The following PPA2 variants were observed in gnomAD, a reference collection of about 807,000 sequenced individuals.
The protein encoded by PPA2 is inorganic pyrophosphatase 2.
In PPA2, 48 loss-of-function variants were observed where a neutral mutation model predicts 49.5. That is an observed-to-expected ratio of 0.97 (90% CI 0.77 to 1.23). PPA2 has a LOEUF of 1.23. Among genes scored for constraint, PPA2 ranks in the 50% most tolerant of loss-of-function variants. The pLI, the probability that PPA2 is intolerant of heterozygous loss-of-function variation, is 0.00. For synonymous variants in PPA2, 131 were observed against 139.9 expected (o/e 0.94, Z 0.45); for missense variants, 429 against 410.1 (o/e 1.05, Z -0.40).
intron 10 of PPA2, among the ~76,000 whole-genome samples, chr4:105,381,872 A>C (rs1733501743): frequency 6.6e-6 from 1 of 151,814 alleles, no homozygotes; most frequent in Non-Finnish European, 1.5e-5. Flanking sequence ...TATTTACTCT[A>C]CTCTTTATAA....
intron 6 of PPA2, among the ~76,000 whole-genome samples, chr4:105,425,766 A>C (rs116477392): frequency 5.7e-5 from 8 of 139,202 alleles, no homozygotes; most frequent in African/African-American, 2.5e-4. Flanking sequence ...ACACACACCC[A>C]TCAGAATAAA....
chr4:105,390,011 T>G (rs1038421909), intron 9 of PPA2, among the ~76,000 whole-genome samples: 3 of 151,958 alleles, frequency 2.0e-5, no homozygotes, highest in African/African-American at 7.2e-5. Flanking sequence ...ACACCACACA[T>G]CTACAACAAT....
chr4:105,453,333 A>G (rs1206989835), intron 3 of PPA2, among the ~76,000 whole-genome samples: 9 of 152,220 alleles, frequency 5.9e-5, no homozygotes, highest in Admixed American at 1.3e-4. Flanking sequence ...TGAGGATTCC[A>G]CAACAATGTG....
intron 6 of PPA2, among the ~76,000 whole-genome samples, chr4:105,430,288 CA>C (rs1264390066): frequency 2.0e-5 from 3 of 152,154 alleles, no homozygotes; most frequent in African/African-American, 7.2e-5. Context: ...CATAAATCTG[CA>C]TGGAATTGTA....
chr4:105,473,967 C>T lies in PPA2; in HGVS notation c.84G>A (p.Ser28=), dbSNP rs1236077801. Residue 28 remains serine (S), a synonymous_variant, in exon 1 of 12, where the codon TCG becomes TCA. Transcript: ENST00000341695. The part of the protein sequence containing the change: ...LRLGTSAGTG[S]RRAMALYHTE... ...TGTGGTACAGGGCCATAGCACGGCG[C>T]GACCCGGTCCCTGCACTGGTCCCCA... is the stretch of plus-strand genomic sequence containing the variant. 1 of 1,611,414 alleles carries T rather than the reference C, an allele frequency of 6.2e-7. No homozygotes were observed.
chr4:105,372,081 G>A (rs1733049557), intron 10 of PPA2, among the ~76,000 whole-genome samples: 1 of 152,186 alleles, frequency 6.6e-6, no homozygotes, highest in Admixed American at 6.5e-5. Flanking sequence ...GTGGACCTGG[G>A]GAGATGTGTA....
intron 7 of PPA2, among the ~76,000 whole-genome samples, chr4:105,421,095 T>C (rs1723232763): frequency 1.3e-5 from 2 of 152,298 alleles, no homozygotes; most frequent in African/African-American, 4.8e-5. Flanking sequence ...AGTTCTACAC[T>C]GGGCAGTTAA....
chr4:105,453,771 G>T (rs1334971957), intron 2 of PPA2, 129 bp from the exon 3 acceptor site: 6 of 598,274 alleles, frequency 1.0e-5, no homozygotes, highest in Non-Finnish European at 1.4e-5. Context: ...TGAGTCAACA[G>T]AGAACCTACC....
intron 6 of PPA2, among the ~76,000 whole-genome samples, chr4:105,424,800 T>C (rs772119716): frequency 2.0e-5 from 3 of 152,166 alleles, no homozygotes; most frequent in Admixed American, 6.5e-5. Flanking sequence ...CTGGAATTTG[T>C]AGGGCATGGT....
chr4:105,428,459 C>T (rs963509602), intron 6 of PPA2, among the ~76,000 whole-genome samples: 5 of 151,518 alleles, frequency 3.3e-5, no homozygotes, highest in African/African-American at 1.2e-4. Context: ...AGACCCATCT[C>T]ACGTGCAGAG....
intron 1 of PPA2, among the ~76,000 whole-genome samples, chr4:105,459,918 C>T (rs769328154): frequency 6.6e-6 from 1 of 152,154 alleles, no homozygotes; most frequent in Non-Finnish European, 1.5e-5. Flanking sequence ...GTAGGGTTGA[C>T]CCTAAAGGGG....
intron 7 of PPA2, chr4:105,399,462 CT>C: frequency 4.9e-6 from 1 of 204,302 alleles, no homozygotes; most frequent in Non-Finnish European, 9.7e-6. Flanking sequence ...CATCAAGATA[CT>C]CAGTTTTTAA....
In PPA2 at chr4:105,396,341, CCAAA is replaced by C. The variant is rs34331553; in HGVS notation, c.784-11_784-8del. ...TAACTTCAAGAGCAAAAGCCTAGCT[CCAAA>C]CAAACAAATAAAAAAAGACGTATTT... On this transcript the variant is annotated splice_region_variant and splice_polypyrimidine_tract_variant and intron_variant, in intron 8 of 11. Coordinates refer to ENST00000341695, the MANE Select transcript of PPA2 (RefSeq NM_176869.3). The C allele has an allele frequency of 0.44, 675,220 of 1,526,298 alleles. 157,875 individuals carry two copies. Among genetic ancestry groups the C allele is most frequent in the East Asian group, 0.7 (29,667 of 42,372 alleles). 94.5% of individuals were successfully genotyped at this position (1,526,298 alleles called of 1,614,324 possible). A position where few individuals can be genotyped will look rare whatever the true frequency, so the allele number is the denominator to read the frequency against.
intron 6 of PPA2, among the ~76,000 whole-genome samples, chr4:105,435,489 C>T (rs1036122151): frequency 5.3e-5 from 8 of 151,964 alleles, no homozygotes; most frequent in Admixed American, 3.3e-4. Flanking sequence ...TCAGAGCACC[C>T]GGATTCATAA....
chr4:105,430,883 C>T (rs1340333254), intron 6 of PPA2, among the ~76,000 whole-genome samples: 1 of 152,276 alleles, frequency 6.6e-6, no homozygotes, highest in East Asian at 1.9e-4. Context: ...TCTTCACTTA[C>T]AAAAACTAGT....
intron 4 of PPA2, among the ~76,000 whole-genome samples, chr4:105,448,377 T>C (rs555867791): frequency 1.1e-4 from 17 of 152,240 alleles, no homozygotes; most frequent in African/African-American, 4.1e-4. Context: ...ATGCCTAATT[T>C]AAATACTTAA....
At chr4:105,428,107 T>G (rs1458773851) in intron 6 of PPA2, among the ~76,000 whole-genome samples, 3 of 152,146 alleles carry the variant, frequency 2.0e-5, no homozygotes. Context: ...CTAAGTTTCC[T>G]AAGTGAAGGA....
chr4:105,439,262 A>T (rs774699791), intron 5 of PPA2, among the ~76,000 whole-genome samples: 1 of 152,210 alleles, frequency 6.6e-6, no homozygotes, highest in Non-Finnish European at 1.5e-5. Flanking sequence ...GCACAAACTC[A>T]TGGTTTCTAT....
intron 1 of PPA2, among the ~76,000 whole-genome samples, chr4:105,469,905 A>C (rs1723452686): frequency 2.6e-5 from 4 of 152,232 alleles, no homozygotes; most frequent in Admixed American, 2.6e-4. Flanking sequence ...CAGCACTTTC[A>C]ATGGCAGATT....
Sources: gnomAD v4.1 joint callset for allele counts (sites outside exome capture counted in the v4.1 genomes callset) on GRCh38, gnomAD v4.1.1 for gene constraint, MANE v1.5 for transcripts, NCBI Gene and HGNC (gene_info 2026-07-23, HGNC 2026-07-21) for gene names.